The following ZNF560 variants were observed in gnomAD, a reference collection of about 807,000 sequenced individuals.
The protein encoded by ZNF560 is zinc finger protein 560.
ZNF560 carries 54 observed loss-of-function variants against 81.8 expected under a neutral mutation model. That is an observed-to-expected ratio of 0.66 (90% CI 0.53 to 0.83). The LOEUF (loss-of-function observed/expected upper bound fraction) is 0.83. Ranked by LOEUF, ZNF560 falls within the 40% of genes least tolerant of loss-of-function variation. ZNF560 has a pLI of 0.00. For synonymous variants in ZNF560, 321 were observed against 317.9 expected, an observed-to-expected ratio of 1.01 and a Z score of -0.10; for missense variants, 940 against 932.4, an observed-to-expected ratio of 1.01 and a Z score of -0.11.
chr19:9,462,742 T>C (rs1301947955), downstream of ZNF560, among the ~76,000 whole-genome samples: 1 of 152,198 alleles, frequency 6.6e-6, no homozygotes, highest in Non-Finnish European at 1.5e-5. Flanking sequence ...CATTGGAATG[T>C]CAATCAGTTA....
chr19:9,497,928 G>A (rs1174288804), intron 2 of ZNF560, among the ~76,000 whole-genome samples, 200 bp downstream of exon 2: 1 of 152,122 alleles, frequency 6.6e-6, no homozygotes, highest in African/African-American at 2.4e-5. Flanking sequence ...AAGACTCGCG[G>A]TCTACAAACG....
chr19:9,484,335 T>C (rs111687715), intron 2 of ZNF560, among the ~76,000 whole-genome samples: 7,318 of 151,502 alleles, frequency 0.048, 610 homozygotes, highest in African/African-American at 0.17. Flanking sequence ...GCCATTGCAC[T>C]AGAGCCGCAC....
At chr19:9,470,581 A>G in intron 6 of ZNF560, 63 bp from the exon 7 acceptor site, 1 of 1,613,342 alleles carries the variant, frequency 6.2e-7, no homozygotes, top group Non-Finnish European at 8.5e-7. Flanking sequence ...TGGCTGAAGA[A>G]TGAGGAAGGG....
At chr19:9,455,278 A>C in the ZNF560 span, among the ~76,000 whole-genome samples, 1 of 152,186 alleles carries the variant, frequency 6.6e-6, no homozygotes, top group East Asian at 1.9e-4. Context: ...CTGTCAAAAA[A>C]TGTTGCTACC....
At chr19:9,492,846 C>A (rs2073494108) in intron 2 of ZNF560, among the ~76,000 whole-genome samples, 1 of 152,122 alleles carries the variant, frequency 6.6e-6, no homozygotes, top group African/African-American at 2.4e-5. Flanking sequence ...CTTCCAATCC[C>A]AGCAATGTAG....
At chr19:9,455,718 C>T in the ZNF560 span, among the ~76,000 whole-genome samples, 1 of 152,234 alleles carries the variant, frequency 6.6e-6, no homozygotes, top group Non-Finnish European at 1.5e-5. Flanking sequence ...CAATGCTAAT[C>T]CCAAGTGCCA....
At chr19:9,495,242 CTA>C (rs2073539672) in intron 2 of ZNF560, among the ~76,000 whole-genome samples, 1 of 152,094 alleles carries the variant, frequency 6.6e-6, no homozygotes, top group Non-Finnish European at 1.5e-5. Flanking sequence ...TGTAAATGGA[CTA>C]TAGAATTTGA....
intron 2 of ZNF560, among the ~76,000 whole-genome samples, chr19:9,486,056 G>A (rs1162171460): frequency 1.3e-5 from 2 of 152,164 alleles, no homozygotes; most frequent in African/African-American, 2.4e-5. Flanking sequence ...GGTGTAGCTG[G>A]TGCAAATATA....
chr19:9,465,936 G>GT (rs2073007720), downstream of ZNF560, among the ~76,000 whole-genome samples: 1 of 152,168 alleles, frequency 6.6e-6, no homozygotes, highest in African/African-American at 2.4e-5. Context: ...GGAGGTTGCA[G>GT]TGAGCCGAGA....
chr19:9,467,557 C>G lies in ZNF560; in HGVS notation c.1390G>C (p.Glu464Gln), dbSNP rs545411097. 1 of 1,613,946 alleles carries G rather than the reference C, an allele frequency of 6.2e-7. No homozygotes were observed. Among genetic ancestry groups the G allele is most frequent in the Non-Finnish European group, 8.5e-7 (1 of 1,179,974 alleles). Residue 464 changes from glutamate (E) to glutamine (Q), a missense_variant, in exon 10 of 10, where the codon GAA becomes CAA. Physicochemically the swap from Glu to Gln is conservative, Grantham distance 29 (BLOSUM62 2). Coordinates refer to ENST00000301480, the MANE Select transcript of ZNF560 (RefSeq NM_152476.3). ...HNGEKPYEHK[E>Q]YGKAFGTSSG... The stretch of plus-strand genomic sequence containing the variant: ...GATGTACCAAAGGCCTTCCCATATT[C>G]CTTATGCTCATATGGCTTCTCTCCA...
upstream of ZNF560, among the ~76,000 whole-genome samples, chr19:9,503,312 C>A (rs1219783037): frequency 6.6e-6 from 1 of 152,108 alleles, no homozygotes; most frequent in Non-Finnish European, 1.5e-5. Context: ...TTTTTCTCTA[C>A]ATGTTTTCTT....
chr19:9,475,459 C>T (rs1471229116), intron 2 of ZNF560, 90 bp from the exon 3 acceptor site: 1 of 693,694 alleles, frequency 1.4e-6, no homozygotes, highest in Non-Finnish European at 2.4e-6. Context: ...GTTCGAAATT[C>T]TCTTATAATT....
chr19:9,500,811 ATG>A (rs1280192658), upstream of ZNF560, among the ~76,000 whole-genome samples: 1 of 152,022 alleles, frequency 6.6e-6, no homozygotes, highest in Non-Finnish European at 1.5e-5. Flanking sequence ...TCCTGACCTC[ATG>A]ATCCACCTGC....
At position 9,474,415 on chromosome 19, in the gene ZNF560, A is replaced by C; in HGVS notation, c.31-90T>G. On this transcript the variant is annotated intron_variant, in intron 3 of 9. Transcript: ENST00000301480. ...CAGTTAACAGACCCCAATGCCTATA[A>C]AGAGTTGTGAGGTCTCTCATTATCT... is the stretch of plus-strand genomic sequence containing the variant. The C allele has an allele frequency of 2.1e-6, 3 of 1,442,478 alleles. No homozygotes were observed. The Admixed American group carries it at 6.5e-5, about 31-fold the overall frequency. 89.4% of individuals were successfully genotyped at this position (1,442,478 alleles called of 1,614,324 possible). A position where few individuals can be genotyped will look rare whatever the true frequency, so the allele number is the denominator to read the frequency against.
chr19:9,500,530 G>A (rs962932528), upstream of ZNF560, among the ~76,000 whole-genome samples: 5 of 151,706 alleles, frequency 3.3e-5, no homozygotes, highest in African/African-American at 4.8e-5. Context: ...CTGTGTTTTC[G>A]TAAGTGCGTT....
the ZNF560 span, among the ~76,000 whole-genome samples, chr19:9,448,597 C>A: frequency 2.0e-5 from 3 of 151,874 alleles, no homozygotes; most frequent in South Asian, 6.3e-4. Context: ...AACAACCAAA[C>A]CTAAGTACGC....
rs35450965 is a variant in ZNF560, at chr19:9,474,823, A to ATTTTT, written c.30+456_30+460dup. 3.3e-3 allele frequency among the ~76,000 whole-genome samples: 287 copies of ATTTTT among 85,710 alleles called. 2 individuals are homozygous for ATTTTT. Among genetic ancestry groups the ATTTTT allele is most frequent in the East Asian group, 7.1e-3 (19 of 2,678 alleles). 56.2% of individuals were successfully genotyped at this position (85,710 alleles called of 152,430 possible). A position where few individuals can be genotyped will look rare whatever the true frequency, so the allele number is the denominator to read the frequency against. On this transcript the variant is annotated intron_variant, in intron 3 of 9. Coordinates refer to ENST00000301480, the MANE Select transcript of ZNF560 (RefSeq NM_152476.3). ...ACAGCCATGCACCACCATGCCTGGC[A>ATTTTT]TTTTTTTTTTTTTTTTTTTTTTTTG...
At chr19:9,482,577 G>T (rs2073307073) in intron 2 of ZNF560, among the ~76,000 whole-genome samples, 1 of 151,960 alleles carries the variant, frequency 6.6e-6, no homozygotes, top group African/African-American at 2.4e-5. Flanking sequence ...ATTGAGCCAT[G>T]ACTGCAGCAC....
chr19:9,478,695 C>T (rs779398755), intron 2 of ZNF560, among the ~76,000 whole-genome samples: 30 of 152,044 alleles, frequency 2.0e-4, no homozygotes, highest in African/African-American at 6.0e-4. Flanking sequence ...TCACAGTTAT[C>T]GGCTTAAAAT....
Sources: gnomAD v4.1 joint callset for allele counts (sites outside exome capture counted in the v4.1 genomes callset) on GRCh38, gnomAD v4.1.1 for gene constraint, MANE v1.5 for transcripts, NCBI Gene and HGNC (gene_info 2026-07-23, HGNC 2026-07-21) for gene names.